Variants in PEAR1 observed in about 807,000 individuals in gnomAD.
The protein encoded by PEAR1 is multiple EGF-like domains protein 12.
A neutral mutation model predicts 131.2 loss-of-function variants in PEAR1; 113 were observed. The ratio of observed to expected loss-of-function variants is 0.86; its 90% CI spans 0.74 to 1.01. PEAR1 has a LOEUF of 1.01. Ranked by LOEUF, PEAR1 falls within the 50% of genes least tolerant of loss-of-function variation. The pLI is 0.00. For synonymous variants in PEAR1, 565 were observed against 523.3 expected, an observed-to-expected ratio of 1.08 and a Z score of -1.09; for missense variants, 1,408 against 1,391.1, an observed-to-expected ratio of 1.01 and a Z score of -0.19.
intron 15 of PEAR1, among the ~76,000 whole-genome samples, chr1:156,911,002 A>G (rs1651004792): frequency 6.6e-6 from 1 of 152,048 alleles, no homozygotes; most frequent in Non-Finnish European, 1.5e-5. Flanking sequence ...AGGGGAAATC[A>G]TAGGCTTAGC....
intron 6 of PEAR1, 108 bp from the exon 7 acceptor site, chr1:156,907,502 G>A (rs992011155): frequency 6.8e-7 from 1 of 1,478,176 alleles, no homozygotes; most frequent in African/African-American, 1.4e-5. Flanking sequence ...AAGAGCAAGT[G>A]TGAATCACTA....
At chr1:156,909,686 C>T in intron 11 of PEAR1, 65 bp from the exon 12 acceptor site, 6 of 1,537,720 alleles carry the variant, frequency 3.9e-6, no homozygotes, top group Non-Finnish European at 5.3e-6. Context: ...CAGCCAGCTC[C>T]CACTGTGTGC....
At chr1:156,904,081 C>A in intron 2 of PEAR1, 54 bp downstream of exon 2, 1 of 1,420,114 alleles carries the variant, frequency 7.0e-7, no homozygotes, top group Admixed American at 1.7e-5. Flanking sequence ...TCCCGATTGT[C>A]CCTATTGTCC....
intron 1 of PEAR1, among the ~76,000 whole-genome samples, chr1:156,895,924 T>G (rs140869102): frequency 3.9e-5 from 6 of 152,156 alleles, no homozygotes; most frequent in Admixed American, 3.3e-4. Context: ...CTACAATTTT[T>G]TTTTTTAATT....
Position 156,913,710 on chromosome 1 carries a change from G to C in PEAR1, c.2663G>C (p.Arg888Pro). The change falls in exon 21 of 23, where the codon CGA becomes CCA. Residue 888 changes from arginine (R) to proline (P), a missense_variant. Coordinates refer to ENST00000292357, the MANE Select transcript of PEAR1 (RefSeq NM_001080471.3). Reference protein sequence around the residue: ...PLDRGSSRLDRSYSYSYSNGP... With the variant: ...PLDRGSSRLDPSYSYSYSNGP... ...TCCTCAGGGAGCAGCCGCCTGGACC[G>C]AAGCTACAGCTATAGCTACAGCAAT... The C allele has an allele frequency of 1.2e-6, 2 of 1,614,020 alleles. No homozygotes were observed. The highest frequency in any genetic ancestry group is 1.7e-6 in the Non-Finnish European group (2 of 1,179,986).
At chr1:156,898,007 G>T (rs1403882170) in intron 1 of PEAR1, among the ~76,000 whole-genome samples, 2 of 152,064 alleles carry the variant, frequency 1.3e-5, no homozygotes, top group African/African-American at 4.8e-5. Context: ...GCCTGAGGGG[G>T]CACTGCTCCC....
chr1:156,911,039 T>C (rs1190946907), intron 15 of PEAR1, among the ~76,000 whole-genome samples: 3 of 68,076 alleles, frequency 4.4e-5, no homozygotes, highest in South Asian at 5.4e-4. Context: ...TGATTTCTTT[T>C]TCTTTCTTTC....
intron 1 of PEAR1, among the ~76,000 whole-genome samples, chr1:156,898,742 C>T (rs542565864): frequency 6.6e-6 from 1 of 152,268 alleles, no homozygotes; most frequent in South Asian, 2.1e-4. Context: ...TAGCACCAAG[C>T]TAAGACGCAT....
In PEAR1 at chr1:156,902,596, T is replaced by G. The variant is rs1649796828; in HGVS notation, c.-9-1322T>G. Among the ~76,000 whole-genome samples, 1 of 151,274 alleles carries G rather than the reference T, an allele frequency of 6.6e-6. No homozygotes were observed. Among genetic ancestry groups the G allele is most frequent in the South Asian group, 2.1e-4 (1 of 4,782 alleles). ...TGGCTTTGGGGACCCTGGGAGTGTG[T>G]GGGTGTGGGGTGTGGGGTAGGGCCA... On this transcript the variant is annotated intron_variant, in intron 1 of 22. Transcript: ENST00000292357. This position sits in a 1 kb window ranked among gnomAD's most constrained non-coding sequence, Gnocchi z 4.3.
Position 156,913,953 on chromosome 1 carries a change from C to G in PEAR1, c.2815C>G (p.Arg939Gly), listed in dbSNP as rs531044292. The change falls in exon 22 of 23, where the codon CGG becomes GGG. Residue 939 changes from arginine (R) to glycine (G), a missense_variant. By Grantham distance (125) the Arg-to-Gly change is moderately radical (BLOSUM62 -2). Transcript: ENST00000292357. ...RDLPSLPGGP[R>G]ESSYMEMKGP... ...CCTGCCCAGCTTGCCAGGGGGCCCC[C>G]GGGAGAGCAGCTACATGGAGATGAA... 2.5e-6 allele frequency: 4 copies of G among 1,613,984 alleles called. No individual in the cohort carries two copies. The East Asian group carries it at 8.9e-5, about 36-fold the overall frequency.
chr1:156,909,943 G>A (rs751365479), intron 12 of PEAR1, 29 bp downstream of exon 12: 1 of 1,611,858 alleles, frequency 6.2e-7, no homozygotes, highest in South Asian at 1.1e-5. Context: ...GTCTGCCTGG[G>A]GGTGGGGAGG....
intron 15 of PEAR1, among the ~76,000 whole-genome samples, chr1:156,911,157 T>TTC: frequency 1.4e-5 from 2 of 141,610 alleles, no homozygotes; most frequent in Admixed American, 7.0e-5. Context: ...TCTTTCTTTT[T>TTC]CTTTCTTTCT....
In PEAR1 at chr1:156,905,834, A is replaced by C. The variant is rs377201995; in HGVS notation, c.307+410A>C. 3.8e-4 allele frequency among the ~76,000 whole-genome samples: 58 copies of C among 151,558 alleles called. No homozygotes were observed. The South Asian group carries it at 0.012, about 31-fold the overall frequency. ...TGCTATTGGTCTCTGACTTGTCACT[A>C]TCCAGTCTCTCCTGCCCACTGCACC... On this transcript the variant is annotated intron_variant, in intron 4 of 22. Transcript: ENST00000292357.
At chr1:156,910,197 G>A in intron 13 of PEAR1, 37 bp from the exon 14 acceptor site, 2 of 1,611,182 alleles carry the variant, frequency 1.2e-6, no homozygotes, top group Non-Finnish European at 8.5e-7. Flanking sequence ...AACTGAAGGG[G>A]GCCCAGCCAG....
chr1:156,907,945 G>T lies in PEAR1; in HGVS notation c.796G>T (p.Gly266Cys), dbSNP rs775199872. 5 of 1,588,058 alleles carry T rather than the reference G, an allele frequency of 3.1e-6. No individual in the cohort carries two copies. Among genetic ancestry groups the T allele is most frequent in the Non-Finnish European group, 4.3e-6 (5 of 1,166,284 alleles). Residue 266 changes from glycine to cysteine, a missense_variant, in exon 8 of 23, where the codon GGC (glycine) becomes TGC (cysteine). Coordinates refer to ENST00000292357, the MANE Select transcript of PEAR1 (RefSeq NM_001080471.3). ...GTICSLPCPE[G>C]FHGPNCSQEC... ...CATCTGCTCCCTGCCCTGCCCAGAG[G>T]GCTTTCACGGACCCAACTGCTCCCA...
At chr1:156,900,733 A>G (rs978309132) in intron 1 of PEAR1, among the ~76,000 whole-genome samples, 1 of 152,030 alleles carries the variant, frequency 6.6e-6, no homozygotes, top group Non-Finnish European at 1.5e-5. Context: ...TGAGTAGGGG[A>G]ACAGGAGGGG....
intron 3 of PEAR1, 66 bp downstream of exon 3, chr1:156,904,918 G>A: frequency 6.2e-7 from 1 of 1,603,900 alleles, no homozygotes; most frequent in Non-Finnish European, 8.5e-7. Flanking sequence ...CTGGCCCCTG[G>A]CCCTCTGTAC....
rs781741978 is a variant in PEAR1, at chr1:156,913,244, C to T, written c.2473C>T (p.Leu825=). Residue 825 remains leucine, a synonymous_variant, in exon 19 of 23, where the codon CTG becomes TTG. Coordinates refer to ENST00000292357, the MANE Select transcript of PEAR1 (RefSeq NM_001080471.3). ...HYYSNPSYHT[L]SQCSPNPPPP... Reference sequence around the variant, plus strand: ...CTACTCCAACCCCAGCTACCACACCCTGTCGCAGTGCTCCCCAAACCCCCC... The same window carrying T: ...CTACTCCAACCCCAGCTACCACACCTTGTCGCAGTGCTCCCCAAACCCCCC... 31 of 1,613,382 alleles carry T rather than the reference C, an allele frequency of 1.9e-5. No individual in the cohort carries two copies. In the Admixed American group the frequency reaches 4.8e-4, roughly 25 times the overall value.
chr1:156,915,891 A>G lies in PEAR1; in HGVS notation c.*1093A>G, dbSNP rs1651820686. On this transcript the variant is annotated 3_prime_UTR_variant, in exon 23 of 23. Transcript: ENST00000292357. ...TACCAGTGACATGCAGTAACTGCTA[A>G]GATAGATGAGCCATCTGTATGCTCT... 1 of 152,240 alleles carries G rather than the reference A, an allele frequency of 6.6e-6. No homozygotes were observed. Among genetic ancestry groups the G allele is most frequent in the Non-Finnish European group, 1.5e-5 (1 of 68,056 alleles). The allele number at this position is 152,240 out of a possible 1,614,324, so 9.4% of individuals were successfully genotyped here.
Sources: gnomAD v4.1 joint callset for allele counts (sites outside exome capture counted in the v4.1 genomes callset) on GRCh38, gnomAD v4.1.1 for gene constraint, Gnocchi (gnomAD v3.1) non-coding constraint, MANE v1.5 for transcripts, NCBI Gene and HGNC (gene_info 2026-07-23, HGNC 2026-07-21) for gene names.